Variants in CSGALNACT1 observed in about 807,000 individuals in gnomAD.
CSGALNACT1 encodes the protein chondroitin sulfate N-acetylgalactosaminyltransferase 1, also known as beta4GalNAcT-1.
A neutral mutation model predicts 51.0 loss-of-function variants in CSGALNACT1; 52 were observed. That is an observed-to-expected ratio of 1.02 (90% CI 0.82 to 1.29). CSGALNACT1 has a LOEUF of 1.29. Ranked by LOEUF, CSGALNACT1 falls within the 50% of genes most tolerant of loss-of-function variation. The pLI is 0.00. For missense variants in CSGALNACT1, 935 were observed against 679.2 expected (o/e 1.38, Z -4.19); for synonymous variants, 341 against 254.4 (o/e 1.34, Z -3.24).
intron 4 of CSGALNACT1, 69 bp from the exon 4 acceptor site, chr8:19,458,711 A>G: frequency 1.4e-6 from 2 of 1,415,626 alleles, no homozygotes; most frequent in Non-Finnish European, 2.0e-6. Context: ...TTTTCAACCG[A>G]GATCTAGCAC....
chr8:19,653,136 T>A (rs1161309172), intron 1 of CSGALNACT1, among the ~76,000 whole-genome samples: 1 of 152,174 alleles, frequency 6.6e-6, no homozygotes, highest in Non-Finnish European at 1.5e-5. Flanking sequence ...TCTCTCTTGA[T>A]GGAACCAGTA....
chr8:19,642,870 TTATC>T (rs1428856430), intron 1 of CSGALNACT1, among the ~76,000 whole-genome samples: 1 of 151,768 alleles, frequency 6.6e-6, no homozygotes, highest in Admixed American at 6.6e-5. Flanking sequence ...AGTCAAAAGA[TTATC>T]TATAGAAGAA....
chr8:19,618,397 T>C (rs916735408), intron 1 of CSGALNACT1, among the ~76,000 whole-genome samples: 1 of 151,618 alleles, frequency 6.6e-6, no homozygotes, highest in East Asian at 1.9e-4. Flanking sequence ...TCCCACAATT[T>C]TGGGAGGCTG....
At chr8:19,629,411 C>A (rs2054903793) in intron 1 of CSGALNACT1, among the ~76,000 whole-genome samples, 1 of 152,118 alleles carries the variant, frequency 6.6e-6, no homozygotes, top group African/African-American at 2.4e-5. Flanking sequence ...TGTTTGAATC[C>A]TCGTAGGTAA....
chr8:19,407,747 T>TGTGGACATTTGTGTATATGAATTGTGTGC (rs2054553295), intron 9 of CSGALNACT1, among the ~76,000 whole-genome samples: 2 of 98,416 alleles, frequency 2.0e-5, no homozygotes, highest in Non-Finnish European at 4.9e-5. Flanking sequence ...GAATTGTGTG[T>TGTGGACATTTGTGTATATGAATTGTGTGC]GCATGTGGAC....
intron 6 of CSGALNACT1, among the ~76,000 whole-genome samples, chr8:19,432,686 C>T (rs1420216753): frequency 6.6e-6 from 1 of 152,046 alleles, no homozygotes; most frequent in African/African-American, 2.4e-5. Context: ...ATTTCTTCTG[C>T]TTCTTCAAAC....
chr8:19,660,336 C>A (rs1741552792), intron 1 of CSGALNACT1, among the ~76,000 whole-genome samples: 1 of 152,192 alleles, frequency 6.6e-6, no homozygotes, highest in African/African-American at 2.4e-5. Context: ...AACTGCACAA[C>A]CTCAAGCAAA....
chr8:19,579,425 G>GCTTTT (rs1289814902), intron 3 of CSGALNACT1, among the ~76,000 whole-genome samples: 1 of 152,156 alleles, frequency 6.6e-6, no homozygotes, highest in Non-Finnish European at 1.5e-5. Context: ...ACTTCCAAAG[G>GCTTTT]GGCACATTCT....
At chr8:19,534,591 T>C (rs2083396000) in intron 3 of CSGALNACT1, among the ~76,000 whole-genome samples, 1 of 152,132 alleles carries the variant, frequency 6.6e-6, no homozygotes, top group Non-Finnish European at 1.5e-5. Flanking sequence ...GCAGGTACCA[T>C]TCAGCCAGGG....
chr8:19,413,617 G>A (rs958164277), intron 8 of CSGALNACT1, among the ~76,000 whole-genome samples: 35 of 152,234 alleles, frequency 2.3e-4, no homozygotes, highest in African/African-American at 8.2e-4. Flanking sequence ...CAACTGAACT[G>A]CAATAGTAAA....
chr8:19,420,449 A>G (rs2057737236), exon 7 of CSGALNACT1: 2 of 1,614,108 alleles, frequency 1.2e-6, no homozygotes, highest in Admixed American at 1.7e-5. Context: ...GGGCTCCAAC[A>G]TCAAGTCCCT....
chr8:19,557,961 A>G (rs954717635), intron 3 of CSGALNACT1, among the ~76,000 whole-genome samples: 1 of 152,242 alleles, frequency 6.6e-6, no homozygotes, highest in East Asian at 1.9e-4. Context: ...AACAAAAGAC[A>G]TGTAAAAATG....
In CSGALNACT1 at chr8:19,404,607, A is replaced by ATAT. The variant is rs1554492617; in HGVS notation, c.*1172_*1173insATA. 8.8e-4 allele frequency: 160 copies of ATAT among 182,240 alleles called. 2 individuals carry two copies. Among genetic ancestry groups the ATAT allele is most frequent in the East Asian group, 3.3e-3 (10 of 3,048 alleles). The allele number at this position is 182,240 out of a possible 1,614,324, so 11.3% of individuals were successfully genotyped here. ...TCTGGCAGATGGATTGATCTTTCAC[A>ATAT]ATATATATATATATATTTTTTTCTC... On this transcript the variant is annotated 3_prime_UTR_variant, in exon 10 of 10. Transcript: ENST00000454498.
At chr8:19,428,823 ATATGTGTGTGTGTGTGTGTGTGTG>A (rs2059192348) in intron 6 of CSGALNACT1, among the ~76,000 whole-genome samples, 4 of 51,248 alleles carry the variant, frequency 7.8e-5, no homozygotes, top group Non-Finnish European at 1.8e-4. Flanking sequence ...ATAAGACATG[ATATGTGTGTGTGTGTGTGTGTGTG>A]TGTGTGTGTG....
At chr8:19,406,623 TAAAAAAAAA>T (rs33985548) in intron 9 of CSGALNACT1, among the ~76,000 whole-genome samples, 19 of 72,172 alleles carry the variant, frequency 2.6e-4, no homozygotes, top group Middle Eastern at 8.6e-3. Context: ...AGAGGTTTCG[TAAAAAAAAA>T]AAAAAAAAAA....
At chr8:19,528,001 G>C (rs542794821) in intron 3 of CSGALNACT1, among the ~76,000 whole-genome samples, 1 of 152,082 alleles carries the variant, frequency 6.6e-6, no homozygotes. Context: ...GAGTCTATAG[G>C]AACTCCAACA....
At chr8:19,624,295 A>C (rs924100474) in intron 1 of CSGALNACT1, among the ~76,000 whole-genome samples, 1 of 152,144 alleles carries the variant, frequency 6.6e-6, no homozygotes, top group East Asian at 1.9e-4. Flanking sequence ...CATAAAACCC[A>C]CAAAAATATT....
intron 3 of CSGALNACT1, among the ~76,000 whole-genome samples, chr8:19,536,879 T>C (rs552424238): frequency 6.6e-6 from 1 of 152,316 alleles, no homozygotes; most frequent in African/African-American, 2.4e-5. Flanking sequence ...AACTGCTTTT[T>C]CACAAAGGTA....
intron 1 of CSGALNACT1, among the ~76,000 whole-genome samples, chr8:19,654,755 G>GTTTGGTAGAGACAGGGTTT (rs1436890239): frequency 1.3e-5 from 2 of 151,850 alleles, no homozygotes; most frequent in Non-Finnish European, 2.9e-5. Context: ...ATGTTGCCCC[G>GTTTGGTAGAGACAGGGTTT]GCTAGTCTTG....
Sources: gnomAD v4.1 joint callset for allele counts (sites outside exome capture counted in the v4.1 genomes callset) on GRCh38, gnomAD v4.1.1 for gene constraint, MANE v1.5 for transcripts, NCBI Gene and HGNC (gene_info 2026-07-23, HGNC 2026-07-21) for gene names.